EGFLAM: variants seen among roughly 807,000 people sequenced by gnomAD.
EGFLAM encodes the protein pikachurin.
EGFLAM carries 79 observed loss-of-function variants against 113.1 expected under a neutral mutation model. That is an observed-to-expected ratio of 0.70 (90% CI 0.58 to 0.84). The LOEUF (loss-of-function observed/expected upper bound fraction) is 0.84, where lower values mean the gene tolerates loss of function less well. EGFLAM is among the 40% of genes least tolerant of loss of function. The pLI is 0.00. For missense variants in EGFLAM, 1,265 were observed against 1,291.6 expected, an observed-to-expected ratio of 0.98 and a Z score of 0.32; for synonymous variants, 504 against 487.6, an observed-to-expected ratio of 1.03 and a Z score of -0.44.
intron 6 of EGFLAM, among the ~76,000 whole-genome samples, chr5:38,401,645 C>T (rs1036990171): frequency 6.6e-6 from 1 of 152,122 alleles, no homozygotes; most frequent in African/African-American, 2.4e-5. Context: ...GGGAGTGTCT[C>T]CTGTCACTCC....
intron 1 of EGFLAM, among the ~76,000 whole-genome samples, chr5:38,324,155 C>T (rs1028573217): frequency 4.0e-5 from 6 of 151,344 alleles, no homozygotes; most frequent in Non-Finnish European, 8.8e-5. Flanking sequence ...TTATGTTTCT[C>T]TCTGGTGGCT....
At chr5:38,259,318 C>T (rs978227538) in intron 1 of EGFLAM, among the ~76,000 whole-genome samples, 1 of 152,232 alleles carries the variant, frequency 6.6e-6, no homozygotes, top group African/African-American at 2.4e-5. Context: ...ACGCGTTGTG[C>T]AGGGATGTGG....
intron 6 of EGFLAM, among the ~76,000 whole-genome samples, chr5:38,402,995 C>A (rs1012528698): frequency 5.3e-5 from 8 of 152,220 alleles, no homozygotes; most frequent in Admixed American, 2.0e-4. Context: ...GGAGAGAGAC[C>A]AAACTACTGA....
intron 1 of EGFLAM, among the ~76,000 whole-genome samples, chr5:38,302,416 G>A (rs764599622): frequency 3.1e-4 from 47 of 152,104 alleles, no homozygotes; most frequent in Non-Finnish European, 5.4e-4. Context: ...CCTTGGGCAA[G>A]TCTCTGAGCC....
At chr5:38,329,047 G>T (rs530545157) in intron 1 of EGFLAM, among the ~76,000 whole-genome samples, 1 of 152,066 alleles carries the variant, frequency 6.6e-6, no homozygotes, top group Admixed American at 6.5e-5. Flanking sequence ...ACACTTTTAG[G>T]GTCAAGGCGG....
intron 3 of EGFLAM, among the ~76,000 whole-genome samples, chr5:38,349,337 A>G (rs1561288143): frequency 1.3e-5 from 2 of 152,176 alleles, no homozygotes; most frequent in Non-Finnish European, 2.9e-5. Context: ...TGGAGTAGTC[A>G]GGGAGCCTAG....
At chr5:38,312,464 T>A (rs1329202347) in intron 1 of EGFLAM, among the ~76,000 whole-genome samples, 1 of 152,102 alleles carries the variant, frequency 6.6e-6, no homozygotes, top group East Asian at 1.9e-4. Flanking sequence ...ATGGTCTTGA[T>A]CTGCTGACCT....
At chr5:38,382,667 T>C (rs1579847151) in intron 6 of EGFLAM, among the ~76,000 whole-genome samples, 1 of 152,336 alleles carries the variant, frequency 6.6e-6, no homozygotes, top group East Asian at 1.9e-4. Flanking sequence ...TAACACATAA[T>C]ATTCATATAT....
chr5:38,425,183 G>T (rs746276942), intron 13 of EGFLAM, 91 bp downstream of exon 13: 2 of 1,499,508 alleles, frequency 1.3e-6, no homozygotes, highest in Middle Eastern at 1.8e-4. Flanking sequence ...TTGTTAATTT[G>T]TTTGTTTGTT....
At chr5:38,316,194 G>C (rs1738590708) in intron 1 of EGFLAM, among the ~76,000 whole-genome samples, 1 of 151,900 alleles carries the variant, frequency 6.6e-6, no homozygotes, top group Non-Finnish European at 1.5e-5. Flanking sequence ...TGGTTGGTTG[G>C]TTGCTTGGTT....
intron 1 of EGFLAM, among the ~76,000 whole-genome samples, chr5:38,290,216 G>A (rs2111788611): frequency 6.6e-6 from 1 of 152,304 alleles, no homozygotes; most frequent in Non-Finnish European, 1.5e-5. Flanking sequence ...CAGACCCTCT[G>A]AGAGCCTGTA....
At chr5:38,387,515 C>T (rs529356640) in intron 6 of EGFLAM, among the ~76,000 whole-genome samples, 1 of 152,310 alleles carries the variant, frequency 6.6e-6, no homozygotes, top group South Asian at 2.1e-4. Context: ...CAAATCACTG[C>T]AGAAACTCTT....
At chr5:38,370,602 C>A (rs1740183498) in intron 6 of EGFLAM, 140 bp downstream of exon 6, 2 of 1,139,562 alleles carry the variant, frequency 1.8e-6, no homozygotes, top group Non-Finnish European at 2.4e-6. Flanking sequence ...GTGGTTTTCC[C>A]AGCCCTTTGG....
At chr5:38,440,857 G>T (rs2112233774) in intron 17 of EGFLAM, among the ~76,000 whole-genome samples, 1 of 152,274 alleles carries the variant, frequency 6.6e-6, no homozygotes, top group East Asian at 1.9e-4. Flanking sequence ...GAGGAATTTT[G>T]TTTTCTGGAT....
intron 17 of EGFLAM, chr5:38,445,794 G>A: frequency 1.5e-6 from 2 of 1,361,662 alleles, no homozygotes; most frequent in Non-Finnish European, 2.1e-6. Flanking sequence ...GAGTGGTGTG[G>A]GAGCTGGGAC....
chr5:38,417,360 A>C lies in EGFLAM; in HGVS notation c.1495-706A>C, dbSNP rs866643139. 5.5e-3 allele frequency among the ~76,000 whole-genome samples: 813 copies of C among 147,522 alleles called. 3 individuals carry two copies. The highest frequency in any genetic ancestry group is 0.018 in the African/African-American group (691 of 38,384). ...GAGACTCTGTCTCAAAAAAAAAAAA[A>C]AAAAAAAAACAAAAAAAAAAGGCCA... is the stretch of plus-strand genomic sequence containing the variant. On this transcript the variant is annotated intron_variant, in intron 11 of 21. Coordinates refer to ENST00000322350, the MANE Select transcript of EGFLAM (RefSeq NM_152403.4).
intron 6 of EGFLAM, among the ~76,000 whole-genome samples, chr5:38,395,646 C>T (rs1287783430): frequency 2.0e-5 from 3 of 152,150 alleles, no homozygotes; most frequent in Admixed American, 6.5e-5. Context: ...GCTACACAGA[C>T]TCAGGTGCTC....
intron 2 of EGFLAM, among the ~76,000 whole-genome samples, chr5:38,338,090 GT>G (rs1171552026): frequency 6.6e-6 from 1 of 152,118 alleles, no homozygotes; most frequent in Non-Finnish European, 1.5e-5. Flanking sequence ...TCACCAAAAT[GT>G]TTTCTTTGAA....
At chr5:38,333,589 A>G (rs1282272915) in intron 1 of EGFLAM, among the ~76,000 whole-genome samples, 1 of 151,998 alleles carries the variant, frequency 6.6e-6, no homozygotes, top group Non-Finnish European at 1.5e-5. Flanking sequence ...TGTTGGTCGC[A>G]TGTGTGTTTT....
Sources: gnomAD v4.1 joint callset for allele counts (sites outside exome capture counted in the v4.1 genomes callset) on GRCh38, gnomAD v4.1.1 for gene constraint, MANE v1.5 for transcripts, NCBI Gene and HGNC (gene_info 2026-07-23, HGNC 2026-07-21) for gene names.